IGF1R: variants seen among roughly 807,000 people sequenced by gnomAD.
The protein encoded by IGF1R is insulin-like growth factor 1 receptor.
In IGF1R, 44 loss-of-function variants were observed where a neutral mutation model predicts 144.6. The observed-to-expected ratio is 0.30, with a 90% CI of 0.24 to 0.39. The LOEUF (loss-of-function observed/expected upper bound fraction) is 0.39. IGF1R is among the 10% of genes least tolerant of loss of function. The probability of loss-of-function intolerance (pLI) is 1.00; values close to 1 mark genes in which losing one functional copy is unlikely to be tolerated. For synonymous variants in IGF1R, 795 were observed against 722.8 expected (o/e 1.10, Z -1.60); for missense variants, 1,355 against 1,833.7 (o/e 0.74, Z 4.77).
intron 2 of IGF1R, among the ~76,000 whole-genome samples, chr15:98,844,252 A>G (rs1406319971): frequency 6.6e-6 from 1 of 152,242 alleles, no homozygotes; most frequent in Non-Finnish European, 1.5e-5. Flanking sequence ...CAGAGAAAGA[A>G]CAGGATACCA....
intron 2 of IGF1R, among the ~76,000 whole-genome samples, chr15:98,768,724 C>T (rs1180854384): frequency 2.3e-5 from 3 of 133,092 alleles, no homozygotes; most frequent in Non-Finnish European, 4.6e-5. Context: ...TCGAGACCAT[C>T]CTGGCTAACA....
chr15:98,877,236 G>A (rs1370176766), intron 2 of IGF1R, among the ~76,000 whole-genome samples: 1 of 152,136 alleles, frequency 6.6e-6, no homozygotes, highest in Non-Finnish European at 1.5e-5. Context: ...AAACAAAAGT[G>A]TTAAAGGCAC....
chr15:98,922,108 G>T (rs1310388448), intron 10 of IGF1R, 40 bp from the exon 11 acceptor site: 1 of 1,611,082 alleles, frequency 6.2e-7, no homozygotes, highest in Non-Finnish European at 8.5e-7. Flanking sequence ...GACAAAAGAG[G>T]TAAAAGTACT....
chr15:98,851,007 C>T (rs1288555703), intron 2 of IGF1R, among the ~76,000 whole-genome samples: 3 of 152,178 alleles, frequency 2.0e-5, no homozygotes, highest in Admixed American at 6.5e-5. Flanking sequence ...TTGAAAACAC[C>T]ATCTGCAACC....
In IGF1R at chr15:98,899,586, C is replaced by A. The variant is rs147486288; in HGVS notation, c.1212C>A (p.Asn404Lys). The A allele has an allele frequency of 3.7e-6, 6 of 1,614,052 alleles. No homozygotes were observed. In the African/African-American group the frequency reaches 5.3e-5, roughly 14 times the overall value. Residue 404 changes from asparagine to lysine, a missense_variant, in exon 5 of 21, where the codon AAC becomes AAA. By Grantham distance (94) the Asn-to-Lys change is moderately conservative. Transcript: ENST00000650285. The stretch of plus-strand genomic sequence containing the variant: ...TGGTCTCCTTGTCCTTCCTAAAAAA[C>A]CTTCGCCTCATCCTAGGAGAGGAGC... Reference protein sequence around the residue: ...HALVSLSFLKNLRLILGEEQL... With the variant: ...HALVSLSFLKKLRLILGEEQL...
chr15:98,816,479 C>T (rs908181694), intron 2 of IGF1R, among the ~76,000 whole-genome samples: 2 of 152,220 alleles, frequency 1.3e-5, no homozygotes, highest in Admixed American at 6.5e-5. Context: ...CACTCCCCAT[C>T]GGCCCACCCC....
intron 2 of IGF1R, among the ~76,000 whole-genome samples, chr15:98,782,266 G>A (rs956799850): frequency 2.0e-5 from 3 of 152,058 alleles, no homozygotes; most frequent in Non-Finnish European, 2.9e-5. Context: ...GGGATGAAAG[G>A]AAGCAGCTTT....
intron 20 of IGF1R, 132 bp from the exon 21 acceptor site, chr15:98,956,928 AG>A: frequency 1.0e-6 from 1 of 985,444 alleles, no homozygotes; most frequent in Non-Finnish European, 1.6e-6. Context: ...AGGGATGGAG[AG>A]GGGCAGCAGG....
chr15:98,956,972 T>C, intron 20 of IGF1R, 89 bp from the exon 21 acceptor site: 2 of 1,416,278 alleles, frequency 1.4e-6, no homozygotes, highest in Non-Finnish European at 2.0e-6. Context: ...TACGCTTGTA[T>C]GCGGGAAACC....
At chr15:98,846,631 G>T (rs902025366) in intron 2 of IGF1R, among the ~76,000 whole-genome samples, 1 of 152,126 alleles carries the variant, frequency 6.6e-6, no homozygotes, top group Non-Finnish European at 1.5e-5. Flanking sequence ...CTTCTCAGGG[G>T]TCCCTGTATA....
chr15:98,745,896 A>C (rs2054853220), intron 2 of IGF1R, among the ~76,000 whole-genome samples: 1 of 152,246 alleles, frequency 6.6e-6, no homozygotes, highest in Non-Finnish European at 1.5e-5. Flanking sequence ...TACTTCTAGG[A>C]ATTTATCTTA....
At chr15:98,804,766 C>T (rs1449791076) in intron 2 of IGF1R, among the ~76,000 whole-genome samples, 5 of 152,180 alleles carry the variant, frequency 3.3e-5, no homozygotes, top group African/African-American at 9.7e-5. Context: ...TGTGCAATCT[C>T]GGCTCACTGC....
chr15:98,802,482 T>C (rs944452250), intron 2 of IGF1R, among the ~76,000 whole-genome samples: 2 of 152,082 alleles, frequency 1.3e-5, no homozygotes, highest in African/African-American at 4.8e-5. Context: ...TGAGAGAACC[T>C]TGGAGGACTT....
chr15:98,916,905 G>A, intron 10 of IGF1R, 29 bp downstream of exon 10: 3 of 1,601,318 alleles, frequency 1.9e-6, no homozygotes, highest in African/African-American at 1.3e-5. Flanking sequence ...ATTTCAGTTG[G>A]CAAAACCCAC....
intron 2 of IGF1R, among the ~76,000 whole-genome samples, chr15:98,757,655 C>T (rs1596274163): frequency 6.6e-6 from 1 of 152,094 alleles, no homozygotes; most frequent in Non-Finnish European, 1.5e-5. Flanking sequence ...TTTACTATTG[C>T]CAGCTTTGCT....
chr15:98,908,947 A>T, intron 6 of IGF1R, 48 bp downstream of exon 6: 1 of 1,523,770 alleles, frequency 6.6e-7, no homozygotes, highest in Non-Finnish European at 9.0e-7. Context: ...TCATGATAAC[A>T]GCAGACCCTC....
At chr15:98,766,104 A>G (rs1329934187) in intron 2 of IGF1R, among the ~76,000 whole-genome samples, 2 of 152,216 alleles carry the variant, frequency 1.3e-5, no homozygotes, top group South Asian at 2.1e-4. Flanking sequence ...GTGAGCCGGG[A>G]CCCCAGGCAG....
At chr15:98,651,695 C>T (rs889110005) in intron 1 of IGF1R, among the ~76,000 whole-genome samples, 1 of 152,178 alleles carries the variant, frequency 6.6e-6, no homozygotes, top group African/African-American at 2.4e-5. Context: ...TTTTTGAGAA[C>T]ACAGGCAGGA....
At chr15:98,843,771 TG>T (rs896695244) in intron 2 of IGF1R, among the ~76,000 whole-genome samples, 1 of 152,178 alleles carries the variant, frequency 6.6e-6, no homozygotes, top group African/African-American at 2.4e-5. Context: ...GATTGTTTTT[TG>T]TTTCACCATA....
Sources: allele counts gnomAD v4.1 joint callset (sites outside exome capture counted in the v4.1 genomes callset), GRCh38; gene constraint gnomAD v4.1.1; transcripts MANE v1.5; gene names NCBI Gene and HGNC (gene_info 2026-07-23, HGNC 2026-07-21).